The following FAM114A2 variants were observed in gnomAD, a reference collection of about 807,000 sequenced individuals.
FAM114A2 encodes protein FAM114A2.
A neutral mutation model predicts 58.4 loss-of-function variants in FAM114A2; 53 were observed. The observed-to-expected ratio is 0.91, with a 90% CI of 0.73 to 1.14. The LOEUF is 1.14. Among genes scored for constraint, FAM114A2 ranks in the 50% most tolerant of loss-of-function variants. The pLI is 0.00. For missense variants in FAM114A2, 601 were observed against 581.1 expected (o/e 1.03, Z -0.35); for synonymous variants, 228 against 211.4 (o/e 1.08, Z -0.68).
At position 153,992,825 on chromosome 5, in the gene FAM114A2, C is replaced by G; in HGVS notation, c.*151G>C. 1 of 561,046 alleles carries G rather than the reference C, an allele frequency of 1.8e-6. No homozygotes were observed. Among genetic ancestry groups the G allele is most frequent in the Non-Finnish European group, 3.1e-6 (1 of 326,612 alleles). 34.8% of individuals were successfully genotyped at this position (561,046 alleles called of 1,614,324 possible). A position where few individuals can be genotyped will look rare whatever the true frequency, so the allele number is the denominator to read the frequency against. On this transcript the variant is annotated 3_prime_UTR_variant, in exon 14 of 14. Transcript: ENST00000351797. Reference sequence around the variant, plus strand: ...AGAACCTGAATACTTCAATCAAACACTGAAGGCAACAATCTTCCTCTTTAA... The same window carrying G: ...AGAACCTGAATACTTCAATCAAACAGTGAAGGCAACAATCTTCCTCTTTAA...
rs773106930 is a variant in FAM114A2, at chr5:154,002,372, T to C, written c.1135A>G (p.Ile379Val). The C allele has an allele frequency of 1.2e-5, 19 of 1,613,714 alleles. No individual in the cohort carries two copies. Among genetic ancestry groups the C allele is most frequent in the Admixed American group, 8.3e-5 (5 of 59,994 alleles). Reference protein sequence around the residue: ...NSIEDIHAFAIRSLAELTACS... With the variant: ...NSIEDIHAFAVRSLAELTACS... Reference sequence around the variant, plus strand: ...GCAGTCAGTTCAGCCAGGCTCCGGATTGCAAACGCATGGATATCCTGGATG... The same window carrying C: ...GCAGTCAGTTCAGCCAGGCTCCGGACTGCAAACGCATGGATATCCTGGATG... Residue 379 changes from isoleucine (I) to valine (V), a missense_variant, in exon 11 of 14, where the codon ATC becomes GTC. By Grantham distance (29) the Ile-to-Val change is conservative (BLOSUM62 3). Coordinates refer to ENST00000351797, the MANE Select transcript of FAM114A2 (RefSeq NM_018691.4).
At chr5:154,016,137 T>C (rs993503457) in intron 8 of FAM114A2, among the ~76,000 whole-genome samples, 1 of 152,072 alleles carries the variant, frequency 6.6e-6, no homozygotes, top group Non-Finnish European at 1.5e-5. Context: ...TGACCAAACC[T>C]AAGAATAATC....
chr5:154,005,264 T>G (rs1025174390), intron 9 of FAM114A2, among the ~76,000 whole-genome samples: 3 of 152,208 alleles, frequency 2.0e-5, no homozygotes, highest in Admixed American at 6.5e-5. Flanking sequence ...CCTTAGTTCA[T>G]GTGACCTGGG....
In FAM114A2 at chr5:154,029,635, C is replaced by T. The variant is rs77428878; in HGVS notation, c.404-55G>A. On this transcript the variant is annotated intron_variant, in intron 4 of 13. Coordinates refer to ENST00000351797, the MANE Select transcript of FAM114A2 (RefSeq NM_018691.4). ...AAGGGAAGGTCCCTTAACTCTCAGGCTTTATTAGCATCTATGTGAATTTTT... is the reference window on the plus strand; with the variant it reads ...AAGGGAAGGTCCCTTAACTCTCAGGTTTTATTAGCATCTATGTGAATTTTT... The T allele has an allele frequency of 8.1e-3, 7,742 of 952,120 alleles. 297 individuals are homozygous for T. In the East Asian group the frequency reaches 0.12, roughly 14 times the overall value. The allele number at this position is 952,120 out of a possible 1,614,324, so 59.0% of individuals were successfully genotyped here.
chr5:154,027,363 A>T, intron 6 of FAM114A2, 29 bp from the exon 7 acceptor site: 1 of 1,591,120 alleles, frequency 6.3e-7, no homozygotes, highest in African/African-American at 1.4e-5. Flanking sequence ...ATTACACTGT[A>T]GCAAACAATG....
intron 8 of FAM114A2, among the ~76,000 whole-genome samples, chr5:154,018,687 C>A (rs1771207999): frequency 6.6e-6 from 1 of 152,152 alleles, no homozygotes; most frequent in African/African-American, 2.4e-5. Context: ...AATCCAACAA[C>A]ATATCAAAAA....
intron 9 of FAM114A2, among the ~76,000 whole-genome samples, chr5:154,010,641 C>A (rs1329557405): frequency 2.0e-5 from 3 of 152,062 alleles, no homozygotes; most frequent in Non-Finnish European, 4.4e-5. Flanking sequence ...GAACAGTGTC[C>A]CAAGAGCAGG....
At chr5:154,022,264 C>A (rs1771469000) in intron 8 of FAM114A2, among the ~76,000 whole-genome samples, 1 of 152,182 alleles carries the variant, frequency 6.6e-6, no homozygotes, top group South Asian at 2.1e-4. Context: ...GCAATGGCAA[C>A]AAAAGCCAAA....
intron 13 of FAM114A2, among the ~76,000 whole-genome samples, chr5:153,993,374 G>T (rs1437985102): frequency 6.6e-6 from 1 of 152,118 alleles, no homozygotes; most frequent in African/African-American, 2.4e-5. Context: ...TTGGCAACAT[G>T]GTCAGACTTG....
At chr5:154,026,365 T>C in intron 8 of FAM114A2, 34 bp downstream of exon 8, 4 of 1,493,756 alleles carry the variant, frequency 2.7e-6, no homozygotes, top group Non-Finnish European at 3.6e-6. Context: ...ACACACTGCA[T>C]CCTCTCCACT....
At chr5:154,032,055 G>C (rs1226993424) in intron 4 of FAM114A2, among the ~76,000 whole-genome samples, 1 of 152,190 alleles carries the variant, frequency 6.6e-6, no homozygotes, top group Non-Finnish European at 1.5e-5. Flanking sequence ...CTCTACCTCT[G>C]CTCTTTCCTT....
At chr5:154,012,902 T>C (rs1253774205) in intron 8 of FAM114A2, among the ~76,000 whole-genome samples, 4 of 152,098 alleles carry the variant, frequency 2.6e-5, no homozygotes, top group Admixed American at 6.6e-5. Flanking sequence ...AAATGGACTT[T>C]TTTATTTATA....
Position 154,026,388 on chromosome 5 carries a change from T to C in FAM114A2, c.913+11A>G. The C allele has an allele frequency of 6.5e-7, 1 of 1,547,144 alleles. No individual in the cohort carries two copies. The highest frequency in any genetic ancestry group is 8.7e-7 in the Non-Finnish European group (1 of 1,150,792). On this transcript the variant is annotated intron_variant, in intron 8 of 13. Coordinates refer to ENST00000351797, the MANE Select transcript of FAM114A2 (RefSeq NM_018691.4). ...CATCCTCTCCACTCAGATACTAAATTTTCATATTACCTTTTTTCTCTTCTT... is the reference window on the plus strand; with the variant it reads ...CATCCTCTCCACTCAGATACTAAATCTTCATATTACCTTTTTTCTCTTCTT...
At chr5:154,027,753 G>A (rs931677384) in intron 6 of FAM114A2, among the ~76,000 whole-genome samples, 2 of 151,946 alleles carry the variant, frequency 1.3e-5, no homozygotes, top group East Asian at 1.9e-4. Flanking sequence ...CACCTACCTC[G>A]GCCTCCCAAA....
At chr5:154,035,634 A>T (rs921309866) in intron 1 of FAM114A2, among the ~76,000 whole-genome samples, 9 of 152,218 alleles carry the variant, frequency 5.9e-5, no homozygotes, top group African/African-American at 2.2e-4. Flanking sequence ...TTATAAATAA[A>T]ACAGCTATGA....
chr5:154,028,271 T>TAAC lies in FAM114A2; in HGVS notation c.505_507dup (p.Val169dup). On this transcript the variant is annotated inframe_insertion, in exon 6 of 14. Coordinates refer to ENST00000351797, the MANE Select transcript of FAM114A2 (RefSeq NM_018691.4). Reference sequence around the variant, plus strand: ...TCTAAGGCATCCAAACCCCCACTTATAACACTCTTTCCCTAGAAAATACAT... The same window carrying TAAC: ...TCTAAGGCATCCAAACCCCCACTTATAACAACACTCTTTCCCTAGAAAATACAT... 6.3e-7 allele frequency: 1 copy of TAAC among 1,598,030 alleles called. No individual in the cohort carries two copies.
At chr5:154,030,629 G>A (rs147592029) in intron 4 of FAM114A2, among the ~76,000 whole-genome samples, 331 of 152,348 alleles carry the variant, frequency 2.2e-3, no homozygotes, top group African/African-American at 7.5e-3. Context: ...TGGAAGAAAC[G>A]GAGACTGGAA....
At chr5:153,995,181 T>C (rs1291125540) in intron 12 of FAM114A2, 1 of 504,330 alleles carries the variant, frequency 2.0e-6, no homozygotes, top group South Asian at 3.2e-5. Context: ...GCTATCCATA[T>C]TGACAGTGTA....
chr5:154,011,846 G>A (rs1770721202), intron 8 of FAM114A2, among the ~76,000 whole-genome samples: 2 of 152,186 alleles, frequency 1.3e-5, no homozygotes, highest in Admixed American at 1.3e-4. Flanking sequence ...AAAGGTGAAA[G>A]AAAGTATGGG....
Sources: gnomAD v4.1 joint callset for allele counts (sites outside exome capture counted in the v4.1 genomes callset) on GRCh38, gnomAD v4.1.1 for gene constraint, MANE v1.5 for transcripts, NCBI Gene and HGNC (gene_info 2026-07-23, HGNC 2026-07-21) for gene names.